GCLM: variants seen among roughly 807,000 people sequenced by gnomAD.
GCLM encodes glutamate--cysteine ligase regulatory subunit.
Under a neutral mutation model 36.0 loss-of-function variants are expected in GCLM, and 15 were observed. That is an observed-to-expected ratio of 0.42 (90% CI 0.28 to 0.64). The LOEUF (loss-of-function observed/expected upper bound fraction) is 0.64. Among genes scored for constraint, GCLM ranks in the 30% least tolerant of loss-of-function variants. The probability of loss-of-function intolerance (pLI) is 0.25; values close to 1 mark genes in which losing one functional copy is unlikely to be tolerated. For missense variants in GCLM, 242 were observed against 325.5 expected (o/e 0.74, Z 1.97); for synonymous variants, 129 against 122.8 (o/e 1.05, Z -0.34).
intron 3 of GCLM, among the ~76,000 whole-genome samples, chr1:93,899,167 G>A (rs1019594755): frequency 2.0e-5 from 3 of 151,784 alleles, no homozygotes; most frequent in South Asian, 2.1e-4. Flanking sequence ...ACCTCCTCCT[G>A]GGTTCAAGCA....
At chr1:93,900,294 T>C (rs1656901540) in intron 3 of GCLM, among the ~76,000 whole-genome samples, 7 of 152,260 alleles carry the variant, frequency 4.6e-5, no homozygotes, top group Admixed American at 3.3e-4. Context: ...TTTGGATAGG[T>C]AGAAAGAGGA....
chr1:93,891,088 A>G (rs1194234924), intron 6 of GCLM, among the ~76,000 whole-genome samples: 1 of 151,858 alleles, frequency 6.6e-6, no homozygotes, highest in Non-Finnish European at 1.5e-5. Context: ...AGGTCTTACT[A>G]TGTTGCTTAG....
At chr1:93,896,163 A>G (rs1656725552) in intron 5 of GCLM, among the ~76,000 whole-genome samples, 1 of 151,872 alleles carries the variant, frequency 6.6e-6, no homozygotes, top group Admixed American at 6.6e-5. Context: ...GGGTTTCACC[A>G]TGTTGGTCAG....
At chr1:93,890,921 G>A (rs1158476187) in intron 6 of GCLM, among the ~76,000 whole-genome samples, 3 of 149,686 alleles carry the variant, frequency 2.0e-5, no homozygotes, top group Non-Finnish European at 3.0e-5. Context: ...CTGTTGCCCA[G>A]GCTGGAGTGC....
Position 93,888,128 on chromosome 1 carries a change from C to G in GCLM, c.*862G>C, listed in dbSNP as rs17884809. The stretch of plus-strand genomic sequence containing the variant: ...CATTTTACTCAACTGATTCTTAATT[C>G]CTAGCTCTATTGCCCCCTCCTCTCT... On this transcript the variant is annotated 3_prime_UTR_variant, in exon 7 of 7. Coordinates refer to ENST00000370238, the MANE Select transcript of GCLM (RefSeq NM_002061.4). The G allele has an allele frequency of 9.2e-5, 14 of 152,092 alleles. No individual in the cohort carries two copies. Among genetic ancestry groups the G allele is most frequent in the African/African-American group, 3.4e-4 (14 of 41,500 alleles). 9.4% of individuals were successfully genotyped at this position (152,092 alleles called of 1,614,324 possible). A position where few individuals can be genotyped will look rare whatever the true frequency, so the allele number is the denominator to read the frequency against.
In GCLM at chr1:93,909,090, A is replaced by C. The variant is rs1470419065; in HGVS notation, c.74T>G (p.Leu25Arg). 1 of 1,473,638 alleles carries C rather than the reference A, an allele frequency of 6.8e-7. No homozygotes were observed. Among genetic ancestry groups the C allele is most frequent in the Non-Finnish European group, 8.9e-7 (1 of 1,117,700 alleles). The allele number at this position is 1,473,638 out of a possible 1,614,324, so 91.3% of individuals were successfully genotyped here. A position where few individuals can be genotyped will look rare whatever the true frequency, so the allele number is the denominator to read the frequency against. ...CTTCCGCAGGCGGCCCCAGTTCAGC[A>C]GGTTCCCCGTCTGCAGGTGCAGGGT... Reference protein sequence around the residue: ...ARTLHLQTGNLLNWGRLRKKC... With the variant: ...ARTLHLQTGNRLNWGRLRKKC... The change falls in exon 1 of 7, where the codon CTG becomes CGG. Residue 25 changes from leucine (L) to arginine (R), a missense_variant. Leu to Arg is a moderately radical substitution (Grantham distance 102, BLOSUM62 -2). Transcript: ENST00000370238.
chr1:93,897,216 C>T (rs1397636498), intron 4 of GCLM, among the ~76,000 whole-genome samples: 1 of 152,148 alleles, frequency 6.6e-6, no homozygotes, highest in Admixed American at 6.5e-5. Flanking sequence ...TGGATGATCA[C>T]AAGAATTATG....
chr1:93,889,295 G>C, intron 6 of GCLM, 136 bp from the exon 7 acceptor site: 1 of 494,564 alleles, frequency 2.0e-6, no homozygotes, highest in Middle Eastern at 4.9e-4. Flanking sequence ...TATTCTTCAT[G>C]TGTGTGCTAT....
At position 93,897,873 on chromosome 1, in the gene GCLM, G is replaced by C; in HGVS notation, c.303C>G (p.Asn101Lys). 6.5e-7 allele frequency: 1 copy of C among 1,549,986 alleles called. No homozygotes were observed. Among genetic ancestry groups the C allele is most frequent in the South Asian group, 1.3e-5 (1 of 78,024 alleles). The change falls in exon 4 of 7, where the codon AAC becomes AAG. Residue 101 changes from asparagine to lysine, a missense_variant. By Grantham distance (94) the Asn-to-Lys change is moderately conservative. Transcript: ENST00000370238. ...VSAKLFIVES[N>K]SSSSTRSAVD... is the part of the protein sequence containing the mutation. ...CTGCACTTCTAGTTGATGATGAAGA[G>C]TTTGATTCTACAATGAACAGTTTTG...
chr1:93,889,083 C>A lies in GCLM; in HGVS notation c.732G>T (p.Pro244=). 2 of 1,602,096 alleles carry A rather than the reference C, an allele frequency of 1.2e-6. No homozygotes were observed. Among genetic ancestry groups the A allele is most frequent in the Non-Finnish European group, 1.7e-6 (2 of 1,174,082 alleles). ...TGACCGAATACCGCAGTAGCCACAGCGGCACCCACTCGTGCGCTTGAATGT... is the reference window on the plus strand; with the variant it reads ...TGACCGAATACCGCAGTAGCCACAGAGGCACCCACTCGTGCGCTTGAATGT... ...IPDIQAHEWV[P]LWLLRYSVIV... The change falls in exon 7 of 7, where the codon CCG becomes CCT. Residue 244 remains proline, a synonymous_variant. Coordinates refer to ENST00000370238, the MANE Select transcript of GCLM (RefSeq NM_002061.4).
At chr1:93,903,840 G>A (rs539946093) in intron 2 of GCLM, among the ~76,000 whole-genome samples, 1 of 152,212 alleles carries the variant, frequency 6.6e-6, no homozygotes, top group Admixed American at 6.5e-5. Context: ...CGTATCAGGG[G>A]TTCAGTAAGT....
chr1:93,891,025 C>T (rs563539097), intron 6 of GCLM, among the ~76,000 whole-genome samples: 19 of 151,818 alleles, frequency 1.3e-4, no homozygotes, highest in Non-Finnish European at 2.1e-4. Context: ...TAGAGGTGTG[C>T]GTCACCAAGG....
intron 5 of GCLM, 100 bp downstream of exon 5, chr1:93,896,518 C>T (rs1316384201): frequency 4.3e-6 from 4 of 937,572 alleles, no homozygotes; most frequent in Non-Finnish European, 6.9e-6. Flanking sequence ...AAAGTCACCC[C>T]GCAGGGGTGG....
intron 6 of GCLM, among the ~76,000 whole-genome samples, chr1:93,891,157 GA>G (rs1342819156): frequency 2.6e-5 from 4 of 152,114 alleles, no homozygotes; most frequent in Admixed American, 2.6e-4. Context: ...AAAGTGCTGG[GA>G]TTACAGGTGT....
chr1:93,899,083 T>C (rs1656852591), intron 3 of GCLM, among the ~76,000 whole-genome samples: 1 of 150,910 alleles, frequency 6.6e-6, no homozygotes, highest in Admixed American at 6.6e-5. Flanking sequence ...TTTTAGTGTA[T>C]AATTTTACAT....
chr1:93,905,265 GA>G (rs1657108093), intron 1 of GCLM, among the ~76,000 whole-genome samples: 1 of 150,908 alleles, frequency 6.6e-6, no homozygotes, highest in Non-Finnish European at 1.5e-5. Flanking sequence ...TGTCTGACTA[GA>G]ATTCATATCA....
chr1:93,890,393 T>C (rs1023586357), intron 6 of GCLM, among the ~76,000 whole-genome samples: 8 of 152,098 alleles, frequency 5.3e-5, no homozygotes, highest in African/African-American at 4.8e-5. Flanking sequence ...GTATAGACTT[T>C]ATATAATACA....
rs751761445 is a variant in GCLM at position 93,896,734 on chromosome 1, G to A, written c.424C>T (p.His142Tyr). 2 of 1,610,320 alleles carry A rather than the reference G, an allele frequency of 1.2e-6. No homozygotes were observed. Among genetic ancestry groups the A allele is most frequent in the South Asian group, 2.2e-5 (2 of 90,990 alleles). The change falls in exon 5 of 7, where the codon CAT becomes TAT. Residue 142 changes from histidine (H) to tyrosine (Y), a missense_variant. His to Tyr is a moderately conservative substitution (Grantham distance 83). Transcript: ENST00000370238. ...AATTCCTCCCAGTAAGGCTGTAAAT[G>A]CTCCAAGGAAAGATTAACTCCATCT... ...IEDGVNLSLE[H>Y]LQPYWEELEN...
intron 6 of GCLM, 83 bp downstream of exon 6, chr1:93,894,531 C>A: frequency 1.3e-6 from 1 of 757,852 alleles, no homozygotes; most frequent in Non-Finnish European, 2.3e-6. Context: ...TCACTGTCCA[C>A]ATTTAAAATT....
Sources: allele counts gnomAD v4.1 joint callset (sites outside exome capture counted in the v4.1 genomes callset), GRCh38; gene constraint gnomAD v4.1.1; transcripts MANE v1.5; gene names NCBI Gene and HGNC (gene_info 2026-07-23, HGNC 2026-07-21).